The following OR4D9 variants were observed in gnomAD, a reference collection of about 807,000 sequenced individuals.
OR4D9 encodes olfactory receptor 4D9.
OR4D9 carries 2 observed loss-of-function variants against 0.8 expected under a neutral mutation model. The ratio of observed to expected loss-of-function variants is 2.58; its 90% CI spans 1.06 to 8.13. OR4D9 has a LOEUF of 8.13. OR4D9 is among the 30% of genes most tolerant of loss of function. The pLI is 0.04. For missense variants in OR4D9, 399 were observed against 384.7 expected (o/e 1.04, Z -0.31); for synonymous variants, 146 against 151.2 (o/e 0.97, Z 0.25).
At chr11:59,513,278 T>C (rs1463283117) in intron 1 of OR4D9, among the ~76,000 whole-genome samples, 1 of 152,086 alleles carries the variant, frequency 6.6e-6, no homozygotes, top group Non-Finnish European at 1.5e-5. Flanking sequence ...TTTTAACATG[T>C]TGGCCAGGCC....
rs146620718 is a variant in OR4D9 at position 59,518,592 on chromosome 11, T to G, written c.*2735T>G. The G allele has an allele frequency of 3.8e-4, 58 of 152,348 alleles. No homozygotes were observed. Among genetic ancestry groups the G allele is most frequent in the African/African-American group, 1.3e-3 (56 of 41,562 alleles). 9.4% of individuals were successfully genotyped at this position (152,348 alleles called of 1,614,324 possible). ...TCATAGAGATGAGGTCTCACTAAGT[T>G]GCCCAGGCTGGTTGAAATTCTTGGA... is the stretch of plus-strand genomic sequence containing the variant. On this transcript the variant is annotated 3_prime_UTR_variant, in exon 3 of 3. Coordinates refer to ENST00000641962, the MANE Select transcript of OR4D9 (RefSeq NM_001004711.2).
intron 1 of OR4D9, among the ~76,000 whole-genome samples, chr11:59,513,120 G>A (rs1859351460): frequency 6.6e-6 from 1 of 152,008 alleles, no homozygotes; most frequent in Non-Finnish European, 1.5e-5. Flanking sequence ...CTGTCACCAG[G>A]CTGGAGTGCA....
Position 59,515,082 on chromosome 11 carries a change from C to A in OR4D9, c.170C>A (p.Thr57Lys). The A allele has an allele frequency of 1.2e-6, 2 of 1,614,142 alleles. No individual in the cohort carries two copies. Among genetic ancestry groups the A allele is most frequent in the South Asian group, 2.2e-5 (2 of 91,062 alleles). ...VTVTCESHLHTPMYFLLRNLS... is the reference protein window; with the variant it reads ...VTVTCESHLHKPMYFLLRNLS... ...GTTACCTGTGAATCTCACCTTCATACGCCCATGTACTTCCTGCTCCGCAAC... is the reference window on the plus strand; with the variant it reads ...GTTACCTGTGAATCTCACCTTCATAAGCCCATGTACTTCCTGCTCCGCAAC... The change falls in exon 3 of 3, where the codon ACG (threonine) becomes AAG (lysine). Residue 57 changes from threonine (T) to lysine (K), a missense_variant. Coordinates refer to ENST00000641962, the MANE Select transcript of OR4D9 (RefSeq NM_001004711.2).
chr11:59,519,345 C>A lies in OR4D9; in HGVS notation c.*3488C>A, dbSNP rs1859445816. The A allele has an allele frequency of 1.3e-5, 2 of 151,246 alleles. No homozygotes were observed. Among genetic ancestry groups the A allele is most frequent in the African/African-American group, 2.4e-5 (1 of 41,014 alleles). 9.4% of individuals were successfully genotyped at this position (151,246 alleles called of 1,614,324 possible). A position where few individuals can be genotyped will look rare whatever the true frequency, so the allele number is the denominator to read the frequency against. On this transcript the variant is annotated 3_prime_UTR_variant, in exon 3 of 3. Transcript: ENST00000641962. ...CTCCCACCTGGGCAAAAGAGTGAGA[C>A]CCTGTCTCAAAAAAAAAAAAAGAAA... is the stretch of plus-strand genomic sequence containing the variant.
Position 59,518,574 on chromosome 11 carries a change from G to C in OR4D9, c.*2717G>C, listed in dbSNP as rs1311181512. The C allele has an allele frequency of 1.3e-5, 2 of 152,182 alleles. No homozygotes were observed. The highest frequency in any genetic ancestry group is 2.9e-5 in the Non-Finnish European group (2 of 68,050). The allele number at this position is 152,182 out of a possible 1,614,324, so 9.4% of individuals were successfully genotyped here. On this transcript the variant is annotated 3_prime_UTR_variant, in exon 3 of 3. Coordinates refer to ENST00000641962, the MANE Select transcript of OR4D9 (RefSeq NM_001004711.2). ...TTTTGTATATTTTTATTTTCATAGA[G>C]ATGAGGTCTCACTAAGTTGCCCAGG...
Position 59,515,300 on chromosome 11 carries a change from CT to C in OR4D9, c.389del (p.Leu130ArgfsTer4). The C allele has an allele frequency of 6.2e-7, 1 of 1,613,072 alleles. No individual in the cohort carries two copies. The highest frequency in any genetic ancestry group is 2.2e-5 in the East Asian group (1 of 44,872). ...FDRYIAISKP[L>X]HYMTIMSRGR... Reference sequence around the variant, plus strand: ...CCGCTATATAGCCATCTCCAAGCCCCTGCACTATATGACCATCATGAGTAGG... The same window carrying C: ...CCGCTATATAGCCATCTCCAAGCCCCGCACTATATGACCATCATGAGTAGG... On this transcript the variant is annotated frameshift_variant, in exon 3 of 3. Coordinates refer to ENST00000641962, the MANE Select transcript of OR4D9 (RefSeq NM_001004711.2). LOFTEE classifies it low-confidence loss of function (END_TRUNC).
rs1859382925 is a variant in OR4D9 at position 59,515,083 on chromosome 11, GC to G, written c.174del (p.Met59CysfsTer24). 1 of 1,613,892 alleles carries G rather than the reference GC, an allele frequency of 6.2e-7. No individual in the cohort carries two copies. Among genetic ancestry groups the G allele is most frequent in the African/African-American group, 1.3e-5 (1 of 74,848 alleles). ...TTACCTGTGAATCTCACCTTCATAC[GC>G]CCATGTACTTCCTGCTCCGCAACCT... ...TVTCESHLHT[P>X]MYFLLRNLSI... On this transcript the variant is annotated frameshift_variant, in exon 3 of 3. Transcript: ENST00000641962. LOFTEE classifies it low-confidence loss of function (END_TRUNC).
At position 59,515,954 on chromosome 11, in the gene OR4D9, T is replaced by C; in HGVS notation, c.*97T>C. The stretch of plus-strand genomic sequence containing the variant: ...CATGCCCAAAACAAAGAGATACCTA[T>C]GGCCACCATCGAGTCCTAAAAGAAG... On this transcript the variant is annotated 3_prime_UTR_variant, in exon 3 of 3. Transcript: ENST00000641962. 2 of 866,540 alleles carry C rather than the reference T, an allele frequency of 2.3e-6. No homozygotes were observed. The highest frequency in any genetic ancestry group is 3.5e-6 in the Non-Finnish European group (2 of 576,442). The allele number at this position is 866,540 out of a possible 1,614,324, so 53.7% of individuals were successfully genotyped here. A position where few individuals can be genotyped will look rare whatever the true frequency, so the allele number is the denominator to read the frequency against.
At chr11:59,514,855 T>G in intron 2 of OR4D9, 28 bp from the exon 3 acceptor site, 1 of 1,129,402 alleles carries the variant, frequency 8.9e-7, no homozygotes, top group Non-Finnish European at 1.3e-6. Flanking sequence ...CTATCAATAT[T>G]ATTTAACTGC....
At position 59,515,531 on chromosome 11, in the gene OR4D9, A is replaced by G; in HGVS notation, c.619A>G (p.Ser207Gly). 6.2e-7 allele frequency: 1 copy of G among 1,614,172 alleles called. No homozygotes were observed. The highest frequency in any genetic ancestry group is 1.3e-5 in the African/African-American group (1 of 75,032). ...GATGATTTCAAATAATGGGTTAGTCAGTTGGTTTGTATTCTTCTTTCTCCT... is the reference window on the plus strand; with the variant it reads ...GATGATTTCAAATAATGGGTTAGTCGGTTGGTTTGTATTCTTCTTTCTCCT... Reference protein sequence around the residue: ...LLMISNNGLVSWFVFFFLLIS... With the variant: ...LLMISNNGLVGWFVFFFLLIS... Residue 207 changes from serine to glycine, a missense_variant, in exon 3 of 3, where the codon AGT becomes GGT. By Grantham distance (56) the Ser-to-Gly change is moderately conservative (BLOSUM62 0). Transcript: ENST00000641962.
In OR4D9 at chr11:59,515,364, G is replaced by A. The variant is rs1401824437; in HGVS notation, c.452G>A (p.Gly151Glu). The change falls in exon 3 of 3, where the codon GGG becomes GAG. Residue 151 changes from glycine (G) to glutamate (E), a missense_variant. Gly to Glu is a moderately conservative substitution (Grantham distance 98). Coordinates refer to ENST00000641962, the MANE Select transcript of OR4D9 (RefSeq NM_001004711.2). ...GGCCTCATCGTGGCTTCCTGGGTGG[G>A]GGGCTTTGTCCACTCCATAGCGCAG... Reference protein sequence around the residue: ...CTGLIVASWVGGFVHSIAQIS... With the variant: ...CTGLIVASWVEGFVHSIAQIS... 6.2e-7 allele frequency: 1 copy of A among 1,613,992 alleles called. No homozygotes were observed. Among genetic ancestry groups the A allele is most frequent in the East Asian group, 2.2e-5 (1 of 44,866 alleles).
In OR4D9 at chr11:59,519,918, C is replaced by T. The variant is rs1350036167; in HGVS notation, c.*4061C>T. ...GTGCTTTACAGTAACATGGATGCAG[C>T]TGGAGGCCGTGATCCTAAGCAAATT... On this transcript the variant is annotated 3_prime_UTR_variant, in exon 3 of 3. Coordinates refer to ENST00000641962, the MANE Select transcript of OR4D9 (RefSeq NM_001004711.2). The T allele has an allele frequency of 6.6e-6, 1 of 152,172 alleles. No homozygotes were observed. Among genetic ancestry groups the T allele is most frequent in the Non-Finnish European group, 1.5e-5 (1 of 68,040 alleles). 9.4% of individuals were successfully genotyped at this position (152,172 alleles called of 1,614,324 possible).
At position 59,518,157 on chromosome 11, in the gene OR4D9, C is replaced by T. The variant is rs1287924375; in HGVS notation, c.*2300C>T. On this transcript the variant is annotated 3_prime_UTR_variant, in exon 3 of 3. Transcript: ENST00000641962. Reference sequence around the variant, plus strand: ...GGAGAAGATTTATCTGACAATCCAGCTGATACTCTGCTAAGATCTATTGAC... The same window carrying T: ...GGAGAAGATTTATCTGACAATCCAGTTGATACTCTGCTAAGATCTATTGAC... 1.3e-5 allele frequency: 2 copies of T among 152,224 alleles called. No individual in the cohort carries two copies. The highest frequency in any genetic ancestry group is 2.9e-5 in the Non-Finnish European group (2 of 68,042). 9.4% of individuals were successfully genotyped at this position (152,224 alleles called of 1,614,324 possible).
At chr11:59,512,405 A>T (rs1254727912) in intron 1 of OR4D9, among the ~76,000 whole-genome samples, 1 of 131,496 alleles carries the variant, frequency 7.6e-6, no homozygotes, top group Non-Finnish European at 1.5e-5. Flanking sequence ...TGAACTTGGG[A>T]GGCGGAGCTT....
rs1859389575 is a variant in OR4D9 at position 59,515,362 on chromosome 11, G to C, written c.450G>C (p.Val150=). 6.2e-7 allele frequency: 1 copy of C among 1,613,822 alleles called. No individual in the cohort carries two copies. The change falls in exon 3 of 3, where the codon GTG becomes GTC. Residue 150 remains valine (V), a synonymous_variant. Coordinates refer to ENST00000641962, the MANE Select transcript of OR4D9 (RefSeq NM_001004711.2). ...CAGGCCTCATCGTGGCTTCCTGGGT[G>C]GGGGGCTTTGTCCACTCCATAGCGC... is the stretch of plus-strand genomic sequence containing the variant. ...RCTGLIVASW[V]GGFVHSIAQI... is the part of the protein sequence containing the mutation.
Position 59,517,179 on chromosome 11 carries a change from G to T in OR4D9, c.*1322G>T. 1.3e-5 allele frequency: 2 copies of T among 151,766 alleles called. No individual in the cohort carries two copies. Among genetic ancestry groups the T allele is most frequent in the South Asian group, 3.9e-4 (2 of 5,156 alleles). The allele number at this position is 151,766 out of a possible 1,614,324, so 9.4% of individuals were successfully genotyped here. A position where few individuals can be genotyped will look rare whatever the true frequency, so the allele number is the denominator to read the frequency against. ...AGGCAGGAGAGGTTGAGGCTGCAGTGAGCCATGTTCACTTCACTGCACTCC... is the reference window on the plus strand; with the variant it reads ...AGGCAGGAGAGGTTGAGGCTGCAGTTAGCCATGTTCACTTCACTGCACTCC... On this transcript the variant is annotated 3_prime_UTR_variant, in exon 3 of 3. Transcript: ENST00000641962.
rs1021633630 is a variant in OR4D9 at position 59,519,401 on chromosome 11, G to A, written c.*3544G>A. The A allele has an allele frequency of 6.6e-6, 1 of 151,822 alleles. No individual in the cohort carries two copies. The highest frequency in any genetic ancestry group is 6.6e-5 in the Admixed American group (1 of 15,222). The allele number at this position is 151,822 out of a possible 1,614,324, so 9.4% of individuals were successfully genotyped here. A position where few individuals can be genotyped will look rare whatever the true frequency, so the allele number is the denominator to read the frequency against. On this transcript the variant is annotated 3_prime_UTR_variant, in exon 3 of 3. Coordinates refer to ENST00000641962, the MANE Select transcript of OR4D9 (RefSeq NM_001004711.2). ...TGCTGGAAAGGCAACTAGACCCTTA[G>A]AACACACAGAGAGCCAAACCGAAAT...
At position 59,517,746 on chromosome 11, in the gene OR4D9, G is replaced by T. The variant is rs1422702796; in HGVS notation, c.*1889G>T. ...CTCAGGAGGCTAAGGCAGGAGAATT[G>T]CTTGAACCTGGGAGGCGGAGGTTGC... On this transcript the variant is annotated 3_prime_UTR_variant, in exon 3 of 3. Coordinates refer to ENST00000641962, the MANE Select transcript of OR4D9 (RefSeq NM_001004711.2). The T allele has an allele frequency of 6.6e-6, 1 of 152,022 alleles. No individual in the cohort carries two copies. The highest frequency in any genetic ancestry group is 1.5e-5 in the Non-Finnish European group (1 of 68,052). 9.4% of individuals were successfully genotyped at this position (152,022 alleles called of 1,614,324 possible).
At position 59,513,846 on chromosome 11, in the gene OR4D9, T is replaced by C. The variant is rs2134585020; in HGVS notation, c.-124-827T>C. 1.3e-5 allele frequency among the ~76,000 whole-genome samples: 2 copies of C among 152,238 alleles called. 1 individual carries two copies. Among genetic ancestry groups the C allele is most frequent in the Middle Eastern group, 6.8e-3 (2 of 294 alleles). On this transcript the variant is annotated intron_variant, in intron 1 of 2. Transcript: ENST00000641962. ...TTATTCAGGTGTGGTGACAGGCACC[T>C]GTAAGTCCCAACAACTAGGGAGGCT... is the stretch of plus-strand genomic sequence containing the variant.
Sources: allele counts gnomAD v4.1 joint callset (sites outside exome capture counted in the v4.1 genomes callset), GRCh38; gene constraint gnomAD v4.1.1; transcripts MANE v1.5; gene names NCBI Gene and HGNC (gene_info 2026-07-23, HGNC 2026-07-21).